Variants in CPPED1 observed in about 807,000 individuals in gnomAD.
CPPED1 encodes calcineurin like phosphoesterase domain containing 1.
CPPED1 carries 28 observed loss-of-function variants against 28.0 expected under a neutral mutation model. The observed-to-expected ratio is 1.00, with a 90% CI of 0.74 to 1.37. CPPED1 has a LOEUF of 1.37. Among genes scored for constraint, CPPED1 ranks in the 40% most tolerant of loss-of-function variants. CPPED1 has a pLI of 0.00. For missense variants in CPPED1, 504 were observed against 416.5 expected, an observed-to-expected ratio of 1.21 and a Z score of -1.83; for synonymous variants, 198 against 180.2, an observed-to-expected ratio of 1.10 and a Z score of -0.79.
intron 2 of CPPED1, among the ~76,000 whole-genome samples, chr16:12,750,065 C>A (rs1191755514): frequency 6.6e-6 from 1 of 152,176 alleles, no homozygotes; most frequent in Non-Finnish European, 1.5e-5. Context: ...TTTCCTTAAA[C>A]CTCGTGAACC....
At chr16:12,760,244 C>T (rs1013750785) in intron 2 of CPPED1, 9 of 152,106 alleles carry the variant, frequency 5.9e-5, no homozygotes, top group African/African-American at 2.2e-4. Flanking sequence ...TATGCAAATA[C>T]CACACTATTT....
chr16:12,662,635 G>A lies in CPPED1; in HGVS notation c.*2251C>T, dbSNP rs1251329997. The A allele has an allele frequency of 6.6e-6, 1 of 152,092 alleles. No individual in the cohort carries two copies. The highest frequency in any genetic ancestry group is 1.5e-5 in the Non-Finnish European group (1 of 68,012). 9.4% of individuals were successfully genotyped at this position (152,092 alleles called of 1,614,324 possible). On this transcript the variant is annotated 3_prime_UTR_variant, in exon 4 of 4. Transcript: ENST00000381774. ...TTATGAGTGAGAACATGAAGTATTC[G>A]ACTTTCTACTTCTAAGTTATTTCAC...
At chr16:12,777,261 G>A (rs191281019) in intron 2 of CPPED1, among the ~76,000 whole-genome samples, 4 of 152,302 alleles carry the variant, frequency 2.6e-5, no homozygotes, top group East Asian at 1.9e-4. Flanking sequence ...TTAATAAACA[G>A]GGATGAATGT....
chr16:12,724,454 C>T (rs1477157542), intron 2 of CPPED1, among the ~76,000 whole-genome samples: 3 of 152,188 alleles, frequency 2.0e-5, no homozygotes, highest in Admixed American at 6.5e-5. Flanking sequence ...AATCCATTAT[C>T]GCGCAGCTGC....
chr16:12,667,061 G>C (rs950784296), intron 3 of CPPED1, among the ~76,000 whole-genome samples: 4 of 151,990 alleles, frequency 2.6e-5, no homozygotes, highest in Admixed American at 6.6e-5. Flanking sequence ...GAACGGGGGT[G>C]GGGGTGGAGG....
chr16:12,709,902 CGGGGGGA>C lies in CPPED1; in HGVS notation c.290-4860_290-4854del, dbSNP rs2080070775. 1.1e-5 allele frequency among the ~76,000 whole-genome samples: 1 copy of C among 93,034 alleles called. No homozygotes were observed. Among genetic ancestry groups the C allele is most frequent in the South Asian group, 4.1e-4 (1 of 2,464 alleles). The allele number at this position is 93,034 out of a possible 152,430, so 61.0% of individuals were successfully genotyped here. The stretch of plus-strand genomic sequence containing the variant: ...GGAAGGAAGGGAAGGAAGGGAAAGA[CGGGGGGA>C]AGGAAGGGAAGGAAGGGAAGGAAGG... On this transcript the variant is annotated intron_variant, in intron 2 of 3. Transcript: ENST00000381774. This position sits in a 1 kb window ranked among gnomAD's most constrained non-coding sequence, Gnocchi z 4.4.
At chr16:12,765,645 A>G (rs2080433999) in intron 2 of CPPED1, among the ~76,000 whole-genome samples, 1 of 152,242 alleles carries the variant, frequency 6.6e-6, no homozygotes, top group Admixed American at 6.5e-5. Flanking sequence ...ATATATAAAG[A>G]AAGAAGGGAA....
intron 3 of CPPED1, among the ~76,000 whole-genome samples, chr16:12,684,857 T>A (rs2141174419): frequency 6.6e-6 from 1 of 152,210 alleles, no homozygotes; most frequent in East Asian, 1.9e-4. Flanking sequence ...GGATGCACAG[T>A]GAATGAATAA....
In CPPED1 at chr16:12,734,075, T is replaced by C. The variant is rs1207398035; in HGVS notation, c.290-29026A>G. ...AATTACACGTTTTTTTTTTTTTTTTTTTTTTTTTTTTTTGAGACGAGTCAT... is the reference window on the plus strand; with the variant it reads ...AATTACACGTTTTTTTTTTTTTTTTCTTTTTTTTTTTTTGAGACGAGTCAT... On this transcript the variant is annotated intron_variant, in intron 2 of 3. Coordinates refer to ENST00000381774, the MANE Select transcript of CPPED1 (RefSeq NM_018340.3). Among the ~76,000 whole-genome samples, 5 of 129,728 alleles carry C rather than the reference T, an allele frequency of 3.9e-5. No homozygotes were observed. The South Asian group carries it at 1.4e-3, about 36-fold the overall frequency. 85.1% of individuals were successfully genotyped at this position (129,728 alleles called of 152,430 possible).
chr16:12,694,743 CG>C (rs1567278224), intron 3 of CPPED1, among the ~76,000 whole-genome samples: 1 of 19,584 alleles, frequency 5.1e-5, no homozygotes, highest in Admixed American at 5.4e-4. Flanking sequence ...GGGGGGGGGG[CG>C]GGGGCATGAG....
rs2079798232 is a variant in CPPED1, at chr16:12,662,100, C to T, written c.*2786G>A. On this transcript the variant is annotated 3_prime_UTR_variant, in exon 4 of 4. Transcript: ENST00000381774. ...GCCACGTGACCCCCACCTTTCTGAGCCAAAGCACTTAAAACACATAATAAA... is the reference window on the plus strand; with the variant it reads ...GCCACGTGACCCCCACCTTTCTGAGTCAAAGCACTTAAAACACATAATAAA... 6.6e-6 allele frequency: 1 copy of T among 152,162 alleles called. No homozygotes were observed. The highest frequency in any genetic ancestry group is 1.5e-5 in the Non-Finnish European group (1 of 68,052). 9.4% of individuals were successfully genotyped at this position (152,162 alleles called of 1,614,324 possible). A position where few individuals can be genotyped will look rare whatever the true frequency, so the allele number is the denominator to read the frequency against.
chr16:12,688,089 G>A (rs2079942633), intron 3 of CPPED1, among the ~76,000 whole-genome samples: 1 of 151,170 alleles, frequency 6.6e-6, no homozygotes, highest in Non-Finnish European at 1.5e-5. Flanking sequence ...CACTGCAGTG[G>A]TGCGATCATG....
At position 12,662,721 on chromosome 16, in the gene CPPED1, T is replaced by C. The variant is rs117487708; in HGVS notation, c.*2165A>G. 2.6e-5 allele frequency: 4 copies of C among 152,386 alleles called. No homozygotes were observed. Among genetic ancestry groups the C allele is most frequent in the Admixed American group, 2.0e-4 (3 of 15,306 alleles). The allele number at this position is 152,386 out of a possible 1,614,324, so 9.4% of individuals were successfully genotyped here. ...GCAAAAGACATGGTTTCATTCTTTT[T>C]AGTGGCTGAATAGTATTCCATTATG... On this transcript the variant is annotated 3_prime_UTR_variant, in exon 4 of 4. Coordinates refer to ENST00000381774, the MANE Select transcript of CPPED1 (RefSeq NM_018340.3).
intron 2 of CPPED1, among the ~76,000 whole-genome samples, chr16:12,731,127 T>C (rs2080194738): frequency 6.7e-6 from 1 of 149,898 alleles, no homozygotes; most frequent in African/African-American, 2.5e-5. Flanking sequence ...GGGCAACATA[T>C]GGAGACCCTG....
chr16:12,784,774 A>G (rs1180779993), intron 1 of CPPED1, among the ~76,000 whole-genome samples: 2 of 152,224 alleles, frequency 1.3e-5, no homozygotes, highest in Admixed American at 6.5e-5. Flanking sequence ...ACCTTCTACA[A>G]CAGAGTTTAT....
chr16:12,701,231 GA>G (rs936803374), intron 3 of CPPED1, among the ~76,000 whole-genome samples: 6 of 148,610 alleles, frequency 4.0e-5, no homozygotes, highest in African/African-American at 9.9e-5. Context: ...TCCATCTCAA[GA>G]AAAAAAAAAT....
At chr16:12,737,684 T>C (rs1429674643) in intron 2 of CPPED1, among the ~76,000 whole-genome samples, 2 of 152,174 alleles carry the variant, frequency 1.3e-5, no homozygotes, top group African/African-American at 4.8e-5. Context: ...CTAGGAACTG[T>C]GTGAGGCTGC....
chr16:12,718,178 C>T (rs1216927227), intron 2 of CPPED1, among the ~76,000 whole-genome samples: 2 of 152,188 alleles, frequency 1.3e-5, no homozygotes, highest in African/African-American at 4.8e-5. Flanking sequence ...GGTCCAATCC[C>T]TTAAGCAGTG....
At chr16:12,768,689 G>A (rs573782851) in intron 2 of CPPED1, among the ~76,000 whole-genome samples, 181 of 152,218 alleles carry the variant, frequency 1.2e-3, no homozygotes, top group African/African-American at 4.2e-3. Flanking sequence ...GTTTTTTCAT[G>A]AACTTCTGAT....
Sources: allele counts gnomAD v4.1 joint callset (sites outside exome capture counted in the v4.1 genomes callset), GRCh38; gene constraint gnomAD v4.1.1; non-coding constraint Gnocchi (gnomAD v3.1); transcripts MANE v1.5; gene names NCBI Gene and HGNC (gene_info 2026-07-23, HGNC 2026-07-21).